Variants in ZDHHC21 observed in about 807,000 individuals in gnomAD.
The protein encoded by ZDHHC21 is palmitoyltransferase ZDHHC21.
ZDHHC21 carries 15 observed loss-of-function variants against 34.6 expected under a neutral mutation model. The ratio of observed to expected loss-of-function variants is 0.43; its 90% CI spans 0.29 to 0.67. The LOEUF is 0.67. Ranked by LOEUF, ZDHHC21 falls within the 30% of genes least tolerant of loss-of-function variation. The pLI, the probability that ZDHHC21 is intolerant of heterozygous loss-of-function variation, is 0.14. For missense variants in ZDHHC21, 344 were observed against 327.7 expected (o/e 1.05, Z -0.38); for synonymous variants, 142 against 101.8 (o/e 1.40, Z -2.38).
At chr9:14,688,209 T>C (rs1366159184) in intron 2 of ZDHHC21, among the ~76,000 whole-genome samples, 2 of 150,970 alleles carry the variant, frequency 1.3e-5, no homozygotes, top group Non-Finnish European at 2.9e-5. Context: ...AGCTTCAGTT[T>C]GACCATCTGT....
chr9:14,604,042 T>G, the ZDHHC21 span, among the ~76,000 whole-genome samples: 1 of 152,152 alleles, frequency 6.6e-6, no homozygotes, highest in Non-Finnish European at 1.5e-5. Context: ...GCAAATCGAT[T>G]GGACTGACAA....
At chr9:14,680,610 AT>A (rs35928177) in intron 2 of ZDHHC21, among the ~76,000 whole-genome samples, 42,475 of 151,846 alleles carry the variant, frequency 0.28, 6,074 homozygotes, top group Middle Eastern at 0.35. Context: ...AGAGTCAAAC[AT>A]AAGTCAGTTT....
At chr9:14,692,841 C>A (rs898739262) in intron 1 of ZDHHC21, among the ~76,000 whole-genome samples, 1 of 144,958 alleles carries the variant, frequency 6.9e-6, no homozygotes, top group Non-Finnish European at 1.5e-5. Flanking sequence ...GGTCTCCAGA[C>A]GGGGGTGCGG....
At chr9:14,605,073 T>C in the ZDHHC21 span, among the ~76,000 whole-genome samples, 1 of 152,208 alleles carries the variant, frequency 6.6e-6, no homozygotes, top group Non-Finnish European at 1.5e-5. Context: ...CATTCCATTG[T>C]ACGTATATAC....
intron 7 of ZDHHC21, among the ~76,000 whole-genome samples, chr9:14,643,164 C>T (rs1423808529): frequency 6.6e-6 from 1 of 152,168 alleles, no homozygotes; most frequent in Non-Finnish European, 1.5e-5. Flanking sequence ...AGGAGGATCA[C>T]GTGAACCTGG....
intron 5 of ZDHHC21, among the ~76,000 whole-genome samples, chr9:14,670,769 G>A (rs952471577): frequency 2.0e-5 from 3 of 151,936 alleles, no homozygotes; most frequent in African/African-American, 7.3e-5. Flanking sequence ...TATATGTTTA[G>A]GGAACAGAGG....
At chr9:14,597,501 G>A in the ZDHHC21 span, among the ~76,000 whole-genome samples, 10 of 152,262 alleles carry the variant, frequency 6.6e-5, no homozygotes, top group South Asian at 1.0e-3. Flanking sequence ...TGAGAACAAC[G>A]CAGTCCCTTC....
At chr9:14,656,906 A>T (rs917522685) in intron 7 of ZDHHC21, among the ~76,000 whole-genome samples, 2 of 151,926 alleles carry the variant, frequency 1.3e-5, no homozygotes, top group African/African-American at 4.8e-5. Context: ...CTTTTTATAT[A>T]CTTTCTTCTT....
chr9:14,622,930 T>C (rs368269273), intron 8 of ZDHHC21, among the ~76,000 whole-genome samples: 13 of 152,096 alleles, frequency 8.5e-5, no homozygotes, highest in East Asian at 7.7e-4. Context: ...ATAGGTCTTG[T>C]TGATGCTTCC....
chr9:14,686,709 A>G (rs1014303818), intron 2 of ZDHHC21, among the ~76,000 whole-genome samples: 1 of 152,112 alleles, frequency 6.6e-6, no homozygotes, highest in Non-Finnish European at 1.5e-5. Context: ...ATAGTGGCTC[A>G]TGCCTGTAAT....
intron 2 of ZDHHC21, among the ~76,000 whole-genome samples, chr9:14,685,128 A>C (rs2131647986): frequency 6.6e-6 from 1 of 152,050 alleles, no homozygotes; most frequent in East Asian, 1.9e-4. Context: ...AATACCATTC[A>C]GGACATAGGC....
At chr9:14,631,970 A>T (rs1329999823) in intron 8 of ZDHHC21, among the ~76,000 whole-genome samples, 1 of 152,102 alleles carries the variant, frequency 6.6e-6, no homozygotes, top group Non-Finnish European at 1.5e-5. Context: ...TGGCACAGAA[A>T]CAACAGGTAA....
chr9:14,654,630 A>G (rs1831858156), intron 7 of ZDHHC21, among the ~76,000 whole-genome samples: 1 of 152,114 alleles, frequency 6.6e-6, no homozygotes, highest in South Asian at 2.1e-4. Context: ...AAAATAGATG[A>G]CAAAATAGAT....
intron 7 of ZDHHC21, among the ~76,000 whole-genome samples, chr9:14,656,116 T>C (rs1832159824): frequency 6.6e-6 from 1 of 151,950 alleles, no homozygotes; most frequent in East Asian, 1.9e-4. Flanking sequence ...GTCTATAATG[T>C]AGCTTCAAAC....
chr9:14,672,216 T>A (rs1354314320), intron 5 of ZDHHC21, among the ~76,000 whole-genome samples: 1 of 152,112 alleles, frequency 6.6e-6, no homozygotes, highest in East Asian at 1.9e-4. Flanking sequence ...AAGAATTCAG[T>A]TATATGAAAC....
chr9:14,681,730 G>GGTGTGTGT (rs34935934), intron 2 of ZDHHC21, among the ~76,000 whole-genome samples: 6,306 of 148,516 alleles, frequency 0.042, 172 homozygotes, highest in South Asian at 0.09. Flanking sequence ...TAAGGGGAAT[G>GGTGTGTGT]GTGTGTGTGT....
chr9:14,642,796 C>T lies in ZDHHC21; in HGVS notation c.505-2784G>A, dbSNP rs148623579. Among the ~76,000 whole-genome samples the T allele has an allele frequency of 1.0e-3, 154 of 152,310 alleles. 2 individuals carry two copies. Among genetic ancestry groups the T allele is most frequent in the African/African-American group, 3.6e-3 (151 of 41,566 alleles). On this transcript the variant is annotated intron_variant, in intron 7 of 9. Transcript: ENST00000380916. ...AAATGAATTTCTGTTGTTTAAGCCA[C>T]CCACTTTGTTGTATTTTCTTAAGAC...
the ZDHHC21 span, among the ~76,000 whole-genome samples, chr9:14,593,186 AAAG>A: frequency 1.3e-5 from 2 of 152,164 alleles, no homozygotes; most frequent in African/African-American, 4.8e-5. Flanking sequence ...TGACAACAAT[AAAG>A]AAAATCAAGA....
chr9:14,676,617 A>C (rs577931833), intron 3 of ZDHHC21, among the ~76,000 whole-genome samples: 18 of 152,166 alleles, frequency 1.2e-4, no homozygotes, highest in African/African-American at 3.6e-4. Flanking sequence ...TGCCCAGGCC[A>C]CTAAACTAAT....
Sources: gnomAD v4.1 joint callset for allele counts (sites outside exome capture counted in the v4.1 genomes callset) on GRCh38, gnomAD v4.1.1 for gene constraint, MANE v1.5 for transcripts, NCBI Gene and HGNC (gene_info 2026-07-23, HGNC 2026-07-21) for gene names.